ACYP2: variants seen among roughly 807,000 people sequenced by gnomAD.
ACYP2 encodes the protein acylphosphatase 2.
ACYP2 carries 12 observed loss-of-function variants against 11.2 expected under a neutral mutation model. The observed-to-expected ratio is 1.08, with a 90% CI of 0.69 to 1.74. The LOEUF is 1.74. ACYP2 is among the 40% of genes most tolerant of loss of function. The probability of loss-of-function intolerance (pLI) is 0.00; values close to 1 mark genes in which losing one functional copy is unlikely to be tolerated. For missense variants in ACYP2, 134 were observed against 101.9 expected (o/e 1.31, Z -1.35); for synonymous variants, 43 against 32.2 (o/e 1.33, Z -1.13).
chr2:53,971,569 C>G (rs1671118887), intron 1 of ACYP2, among the ~76,000 whole-genome samples: 1 of 152,096 alleles, frequency 6.6e-6, no homozygotes, highest in Non-Finnish European at 1.5e-5. Flanking sequence ...GTAAGGCGCT[C>G]AGTTTAGGCT....
intron 4 of ACYP2, among the ~76,000 whole-genome samples, chr2:54,095,452 T>C (rs1157663290): frequency 1.3e-5 from 2 of 150,530 alleles, no homozygotes; most frequent in Non-Finnish European, 1.5e-5. Flanking sequence ...CACTTCCCAG[T>C]AGGGGCGGCC....
chr2:54,141,903 T>C lies in ACYP2; in HGVS notation c.404+3155T>C, dbSNP rs189352324. 1,623 of 632,582 alleles carry C rather than the reference T, an allele frequency of 2.6e-3. 12 individuals carry two copies. The highest frequency in any genetic ancestry group is 3.0e-3 in the Non-Finnish European group (1,019 of 341,218). The allele number at this position is 632,582 out of a possible 1,614,324, so 39.2% of individuals were successfully genotyped here. ...CCTAGGCTGGAGTGCAGTGGTCTGA[T>C]CTAGACTCACTGCAGCCTTGACCTT... On this transcript the variant is annotated intron_variant, in intron 6 of 6. Transcript: ENST00000607452.
At chr2:54,116,502 G>GTTTT (rs57486234) in intron 4 of ACYP2, among the ~76,000 whole-genome samples, 2 of 129,270 alleles carry the variant, frequency 1.5e-5, no homozygotes, top group Non-Finnish European at 3.2e-5. Flanking sequence ...TTGCTTGAGG[G>GTTTT]TTTTTTTTTT....
intron 4 of ACYP2, among the ~76,000 whole-genome samples, chr2:54,108,249 A>C (rs1331680162): frequency 6.6e-6 from 1 of 152,234 alleles, no homozygotes; most frequent in African/African-American, 2.4e-5. Context: ...TCTTAATTGC[A>C]AGAATGTCCA....
intron 6 of ACYP2, among the ~76,000 whole-genome samples, chr2:54,185,599 C>T (rs577483527): frequency 1.1e-4 from 17 of 152,078 alleles, no homozygotes; most frequent in African/African-American, 4.8e-5. Context: ...GTGATTTTAG[C>T]AGTCTAATTT....
At chr2:54,259,085 G>A (rs1687673188) in intron 6 of ACYP2, among the ~76,000 whole-genome samples, 1 of 152,214 alleles carries the variant, frequency 6.6e-6, no homozygotes, top group Admixed American at 6.5e-5. Context: ...AGCATGGGGT[G>A]TAAGAGAAAG....
intron 6 of ACYP2, among the ~76,000 whole-genome samples, chr2:54,197,827 T>C (rs1684555643): frequency 6.6e-6 from 1 of 152,192 alleles, no homozygotes; most frequent in African/African-American, 2.4e-5. Flanking sequence ...GTAAGAAACA[T>C]ATTTTATTGT....
At chr2:54,042,005 CT>C (rs1367716321) in intron 2 of ACYP2, among the ~76,000 whole-genome samples, 5 of 103,706 alleles carry the variant, frequency 4.8e-5, no homozygotes, top group Non-Finnish European at 8.9e-5. Flanking sequence ...TCACTTTATT[CT>C]TTCTTTTTTT....
At chr2:54,064,913 G>A (rs1050989754) in intron 4 of ACYP2, among the ~76,000 whole-genome samples, 37 of 152,040 alleles carry the variant, frequency 2.4e-4, no homozygotes, top group African/African-American at 6.5e-4. Flanking sequence ...GTGAAACCCC[G>A]TCTCTACTAA....
At chr2:54,116,502 GTTT>G (rs57486234) in intron 4 of ACYP2, among the ~76,000 whole-genome samples, 2 of 129,260 alleles carry the variant, frequency 1.5e-5, no homozygotes, top group Non-Finnish European at 1.6e-5. Flanking sequence ...TTGCTTGAGG[GTTT>G]TTTTTTTTTT....
chr2:54,150,431 T>G (rs1682100934), intron 6 of ACYP2, among the ~76,000 whole-genome samples: 1 of 152,228 alleles, frequency 6.6e-6, no homozygotes. Context: ...TTTGTTTGTT[T>G]GTTTTTTAAG....
intron 2 of ACYP2, among the ~76,000 whole-genome samples, chr2:54,023,405 T>C (rs1674106246): frequency 6.6e-6 from 1 of 152,222 alleles, no homozygotes; most frequent in African/African-American, 2.4e-5. Context: ...TCCTTTTGCC[T>C]CAGCCTCCTG....
Position 54,135,447 on chromosome 2 carries a change from A to T in ACYP2, c.278-6A>T. The T allele has an allele frequency of 6.2e-7, 1 of 1,608,024 alleles. No individual in the cohort carries two copies. Among genetic ancestry groups the T allele is most frequent in the Non-Finnish European group, 8.5e-7 (1 of 1,177,066 alleles). Reference sequence around the variant, plus strand: ...TGACAATTCTTTTTATCTTTCTTTTATACAGGTGTTTGCTTCAGAATGGTA... The same window carrying T: ...TGACAATTCTTTTTATCTTTCTTTTTTACAGGTGTTTGCTTCAGAATGGTA... On this transcript the variant is annotated splice_region_variant and splice_polypyrimidine_tract_variant and intron_variant, in intron 4 of 6. Transcript: ENST00000607452.
chr2:54,225,772 C>G (rs991902127), intron 6 of ACYP2, among the ~76,000 whole-genome samples: 1 of 151,618 alleles, frequency 6.6e-6, no homozygotes, highest in African/African-American at 2.4e-5. Context: ...ATTTTGGGGT[C>G]TGGAATACCT....
chr2:54,003,268 T>G (rs1672887697), intron 2 of ACYP2, among the ~76,000 whole-genome samples: 1 of 150,786 alleles, frequency 6.6e-6, no homozygotes, highest in South Asian at 2.1e-4. Flanking sequence ...ATTTATTTAT[T>G]TATTTATTGA....
At chr2:53,987,927 T>C (rs1418144433) in intron 2 of ACYP2, among the ~76,000 whole-genome samples, 1 of 152,172 alleles carries the variant, frequency 6.6e-6, no homozygotes, top group East Asian at 1.9e-4. Context: ...ATACTACTCT[T>C]TTGTCAGATA....
intron 3 of ACYP2, among the ~76,000 whole-genome samples, chr2:54,054,459 T>A (rs906575598): frequency 6.6e-6 from 1 of 152,220 alleles, no homozygotes; most frequent in Admixed American, 6.5e-5. Context: ...TGCTGACAGA[T>A]TGATCTTGTT....
At chr2:54,088,174 G>T (rs1678038274) in intron 4 of ACYP2, among the ~76,000 whole-genome samples, 1 of 152,206 alleles carries the variant, frequency 6.6e-6, no homozygotes, top group Non-Finnish European at 1.5e-5. Flanking sequence ...CGTGTTGCTA[G>T]GTTAGAATCA....
intron 6 of ACYP2, among the ~76,000 whole-genome samples, chr2:54,259,070 C>G (rs1223720687): frequency 6.6e-6 from 1 of 152,218 alleles, no homozygotes; most frequent in Non-Finnish European, 1.5e-5. Context: ...AAGGCCCCAC[C>G]TCCCAGCATG....
Sources: gnomAD v4.1 joint callset for allele counts (sites outside exome capture counted in the v4.1 genomes callset) on GRCh38, gnomAD v4.1.1 for gene constraint, MANE v1.5 for transcripts, NCBI Gene and HGNC (gene_info 2026-07-23, HGNC 2026-07-21) for gene names.